The following CDH12 variants were observed in gnomAD, a reference collection of about 807,000 sequenced individuals.
The protein encoded by CDH12 is cadherin-12.
A neutral mutation model predicts 74.1 loss-of-function variants in CDH12; 41 were observed. That is an observed-to-expected ratio of 0.55 (90% CI 0.43 to 0.72). CDH12 has a LOEUF of 0.72. Ranked by LOEUF, CDH12 falls within the 30% of genes least tolerant of loss-of-function variation. CDH12 has a pLI of 0.00. For missense variants in CDH12, 945 were observed against 977.2 expected (o/e 0.97, Z 0.44); for synonymous variants, 399 against 355.0 (o/e 1.12, Z -1.39).
chr5:22,552,786 T>C (rs1459618152), intron 1 of CDH12, among the ~76,000 whole-genome samples: 1 of 152,146 alleles, frequency 6.6e-6, no homozygotes, highest in Admixed American at 6.6e-5. Context: ...ATCGATCACA[T>C]TGTACCGTAG....
At chr5:22,133,603 T>C (rs1261013695) in intron 4 of CDH12, among the ~76,000 whole-genome samples, 1 of 152,110 alleles carries the variant, frequency 6.6e-6, no homozygotes, top group Non-Finnish European at 1.5e-5. Context: ...AATAAAATAA[T>C]TCAAAAATCT....
intron 6 of CDH12, among the ~76,000 whole-genome samples, chr5:21,894,921 A>G (rs1217877485): frequency 6.6e-6 from 1 of 152,082 alleles, no homozygotes; most frequent in Non-Finnish European, 1.5e-5. Context: ...GTGGTTCACC[A>G]TATTTGCTCA....
chr5:22,504,909 T>TA (rs533236296), intron 2 of CDH12, among the ~76,000 whole-genome samples: 54 of 151,678 alleles, frequency 3.6e-4, no homozygotes, highest in East Asian at 7.8e-4. Flanking sequence ...CAAAGCATCA[T>TA]AAAAAAACAG....
At chr5:21,842,126 G>T in intron 8 of CDH12, 35 bp downstream of exon 8, 5 of 1,519,230 alleles carry the variant, frequency 3.3e-6, no homozygotes, top group East Asian at 2.4e-5. Context: ...TTTTTAAACC[G>T]CAATAATTTA....
At chr5:22,151,702 T>A (rs946432330) in intron 4 of CDH12, among the ~76,000 whole-genome samples, 11 of 152,128 alleles carry the variant, frequency 7.2e-5, no homozygotes, top group African/African-American at 2.7e-4. Flanking sequence ...GACTGAAGAT[T>A]AAATATACAG....
intron 3 of CDH12, among the ~76,000 whole-genome samples, chr5:22,267,345 G>A (rs1736172213): frequency 2.6e-5 from 4 of 151,984 alleles, no homozygotes; most frequent in South Asian, 4.2e-4. Context: ...ATTCTCTATC[G>A]AGCATTTTAA....
chr5:22,437,967 C>G (rs1271823238), intron 2 of CDH12, among the ~76,000 whole-genome samples: 1 of 151,866 alleles, frequency 6.6e-6, no homozygotes, highest in Non-Finnish European at 1.5e-5. Flanking sequence ...TCAATAGAGC[C>G]TTGTTTGGGA....
intron 6 of CDH12, among the ~76,000 whole-genome samples, chr5:21,893,024 T>G (rs970315355): frequency 6.6e-6 from 1 of 152,192 alleles, no homozygotes; most frequent in African/African-American, 2.4e-5. Flanking sequence ...CGTTTGCCTT[T>G]GATCCCCTTT....
chr5:21,843,356 A>G (rs1440609713), intron 7 of CDH12, among the ~76,000 whole-genome samples: 2 of 152,160 alleles, frequency 1.3e-5, no homozygotes, highest in Non-Finnish European at 2.9e-5. Flanking sequence ...TAAACCCAAC[A>G]TACATCCTTG....
intron 1 of CDH12, among the ~76,000 whole-genome samples, chr5:22,648,140 G>C (rs268978): frequency 1.0e-3 from 159 of 151,462 alleles, no homozygotes; most frequent in African/African-American, 3.6e-3. Flanking sequence ...TTTTGACAAA[G>C]GCTGATGCAA....
At chr5:21,911,637 T>G (rs1344470350) in intron 6 of CDH12, among the ~76,000 whole-genome samples, 2 of 152,118 alleles carry the variant, frequency 1.3e-5, no homozygotes, top group Non-Finnish European at 2.9e-5. Context: ...GAACTAAGGA[T>G]GCACGACATT....
At chr5:22,273,933 T>C (rs985937492) in intron 3 of CDH12, among the ~76,000 whole-genome samples, 1 of 152,192 alleles carries the variant, frequency 6.6e-6, no homozygotes. Context: ...TAGCATAATA[T>C]AATCATGAGC....
chr5:21,965,435 T>C (rs1301239797), intron 6 of CDH12, among the ~76,000 whole-genome samples: 1 of 152,092 alleles, frequency 6.6e-6, no homozygotes, highest in Admixed American at 6.6e-5. Flanking sequence ...AAGCATTTCA[T>C]GAAATTATCC....
In CDH12 at chr5:22,078,636, A is replaced by G. The variant is rs1742503050; in HGVS notation, c.41T>C (p.Leu14Pro). The change falls in exon 5 of 15, where the codon CTG becomes CCG. Residue 14 changes from leucine to proline, a missense_variant. Leu to Pro is a moderately conservative substitution (Grantham distance 98). Coordinates refer to ENST00000382254, the MANE Select transcript of CDH12 (RefSeq NM_004061.5). ...RNCLSLLLWV[L>P]FDGGLLTPLQ... The stretch of plus-strand genomic sequence containing the variant: ...TGGTGTTAGGAGACCTCCATCAAAC[A>G]GAACCCAGAGAAGCAGGGATAAACA... The G allele has an allele frequency of 6.2e-7, 1 of 1,613,872 alleles. No individual in the cohort carries two copies. The highest frequency in any genetic ancestry group is 8.5e-7 in the Non-Finnish European group (1 of 1,179,796).
chr5:22,329,919 G>A (rs755064707), intron 3 of CDH12, among the ~76,000 whole-genome samples: 22 of 152,184 alleles, frequency 1.4e-4, no homozygotes, highest in Admixed American at 4.6e-4. Context: ...TTGAAAGCCA[G>A]TCTAGGACAC....
chr5:22,095,681 G>A (rs774447201), intron 4 of CDH12, among the ~76,000 whole-genome samples: 18 of 146,088 alleles, frequency 1.2e-4, no homozygotes, highest in East Asian at 6.2e-4. Context: ...CCTTCTCTCC[G>A]TGTCTCTACC....
chr5:22,385,617 A>G (rs143233992), intron 3 of CDH12, among the ~76,000 whole-genome samples: 1 of 152,320 alleles, frequency 6.6e-6, no homozygotes, highest in African/African-American at 2.4e-5. Context: ...TGCCTCTATA[A>G]GACAGTAGGA....
At chr5:22,309,384 GTGGATGAAAAGTA>G in intron 3 of CDH12, among the ~76,000 whole-genome samples, 1 of 152,118 alleles carries the variant, frequency 6.6e-6, no homozygotes, top group East Asian at 1.9e-4. Flanking sequence ...AGGTAAAATA[GTGGATGAAAAGTA>G]TGGATATATT....
At chr5:22,700,271 T>C (rs1157515575) in intron 1 of CDH12, among the ~76,000 whole-genome samples, 2 of 152,192 alleles carry the variant, frequency 1.3e-5, no homozygotes, top group Non-Finnish European at 2.9e-5. Context: ...TTTATTTTCC[T>C]TTTCCACTTC....
Sources: gnomAD v4.1 joint callset for allele counts (sites outside exome capture counted in the v4.1 genomes callset) on GRCh38, gnomAD v4.1.1 for gene constraint, MANE v1.5 for transcripts, NCBI Gene and HGNC (gene_info 2026-07-23, HGNC 2026-07-21) for gene names.